Variants in PHACTR2 observed in about 807,000 individuals in gnomAD.
The protein encoded by PHACTR2 is phosphatase and actin regulator 2.
Under a neutral mutation model 76.0 loss-of-function variants are expected in PHACTR2, and 30 were observed. The observed-to-expected ratio is 0.39, with a 90% CI of 0.30 to 0.54. The LOEUF (loss-of-function observed/expected upper bound fraction) is 0.54, where lower values mean the gene tolerates loss of function less well. PHACTR2 is among the 20% of genes least tolerant of loss of function. The pLI, the probability that PHACTR2 is intolerant of heterozygous loss-of-function variation, is 0.61. For synonymous variants in PHACTR2, 292 were observed against 292.5 expected, an observed-to-expected ratio of 1.00 and a Z score of 0.02; for missense variants, 696 against 781.1, an observed-to-expected ratio of 0.89 and a Z score of 1.30.
chr6:143,751,084 G>A lies in PHACTR2; in HGVS notation c.295+2019G>A, dbSNP rs974208169. On this transcript the variant is annotated intron_variant, in intron 3 of 12. Coordinates refer to ENST00000440869, the MANE Select transcript of PHACTR2 (RefSeq NM_001100164.2). The surrounding 1 kb of genome is among the most constrained non-coding windows in gnomAD (Gnocchi z 5.7). Reference sequence around the variant, plus strand: ...GAGAGACTAGAAGCTGCTGTTCTTGGTAACAACCTCCTTTCTGCTGCCAGT... The same window carrying A: ...GAGAGACTAGAAGCTGCTGTTCTTGATAACAACCTCCTTTCTGCTGCCAGT... Among the ~76,000 whole-genome samples, 5 of 152,146 alleles carry A rather than the reference G, an allele frequency of 3.3e-5. No individual in the cohort carries two copies. Among genetic ancestry groups the A allele is most frequent in the African/African-American group, 1.2e-4 (5 of 41,442 alleles).
In PHACTR2 at chr6:143,760,395, T is replaced by A. The variant is rs777122433; in HGVS notation, c.455-6T>A. ...AGTCTGCTTCTGTTCACTTTCTCGT[T>A]TATAGAGAACACTGAAAACCACTCT... On this transcript the variant is annotated splice_polypyrimidine_tract_variant and splice_region_variant and intron_variant, in intron 4 of 12. Coordinates refer to ENST00000440869, the MANE Select transcript of PHACTR2 (RefSeq NM_001100164.2). This position sits in a 1 kb window ranked among gnomAD's most constrained non-coding sequence, Gnocchi z 6.4. 6.2e-7 allele frequency: 1 copy of A among 1,604,670 alleles called. No individual in the cohort carries two copies. The highest frequency in any genetic ancestry group is 1.7e-4 in the Middle Eastern group (1 of 6,048).
chr6:143,652,861 T>C lies in PHACTR2; in HGVS notation c.13+44539T>C, dbSNP rs1183751010. ...ACAGCTTTATGAAATTCAGTCACTT[T>C]GTAGCAGCCACTCTAAGGAGGATGA... is the stretch of plus-strand genomic sequence containing the variant. On this transcript the variant is annotated intron_variant, in intron 1 of 11. Coordinates refer to the PHACTR2 transcript ENST00000305766. The surrounding 1 kb of genome is among the most constrained non-coding windows in gnomAD (Gnocchi z 4.5). Among the ~76,000 whole-genome samples, 1 of 152,222 alleles carries C rather than the reference T, an allele frequency of 6.6e-6. No homozygotes were observed. Among genetic ancestry groups the C allele is most frequent in the Non-Finnish European group, 1.5e-5 (1 of 68,032 alleles).
chr6:143,765,767 G>A lies in PHACTR2; in HGVS notation c.1201G>A (p.Gly401Ser). ...CAGAACCACTCTCTACTCAGGCACTGGCTTAAGTGTTAACAGAGAAAATGC... is the reference window on the plus strand; with the variant it reads ...CAGAACCACTCTCTACTCAGGCACTAGCTTAAGTGTTAACAGAGAAAATGC... ...TNRTTLYSGTGLSVNRENAKC... is the reference protein window; with the variant it reads ...TNRTTLYSGTSLSVNRENAKC... Residue 401 changes from glycine to serine, a missense_variant, in exon 6 of 13, where the codon GGC becomes AGC. Around this residue, in one of 2 missense-constraint regions of PHACTR2, gnomAD observed 236 missense variants for 330.2 expected, o/e 0.71. Coordinates refer to ENST00000440869, the MANE Select transcript of PHACTR2 (RefSeq NM_001100164.2). This position sits in a 1 kb window ranked among gnomAD's most constrained non-coding sequence, Gnocchi z 4.1. The A allele has an allele frequency of 6.2e-7, 1 of 1,613,676 alleles. No homozygotes were observed. Among genetic ancestry groups the A allele is most frequent in the Non-Finnish European group, 8.5e-7 (1 of 1,179,628 alleles).
intron 2 of PHACTR2, among the ~76,000 whole-genome samples, chr6:143,737,451 A>G (rs766313692): frequency 2.6e-5 from 4 of 151,956 alleles, no homozygotes; most frequent in African/African-American, 4.8e-5. Flanking sequence ...ATTCTAACCT[A>G]TTGTATGAAA....
chr6:143,598,095 C>T lies in PHACTR2; in HGVS notation c.217+60888C>T, dbSNP rs1381906268. ...TAGGTCGAAGAATGCCCCCCGCGCCCCCAAAAAAGAACCATATCTTAACCC... is the reference window on the plus strand; with the variant it reads ...TAGGTCGAAGAATGCCCCCCGCGCCTCCAAAAAAGAACCATATCTTAACCC... On this transcript the variant is annotated intron_variant, in intron 1 of 11. Coordinates refer to the PHACTR2 transcript ENST00000367584. This position sits in a 1 kb window ranked among gnomAD's most constrained non-coding sequence, Gnocchi z 4.1. Among the ~76,000 whole-genome samples, 1 of 151,878 alleles carries T rather than the reference C, an allele frequency of 6.6e-6. No homozygotes were observed. The highest frequency in any genetic ancestry group is 1.5e-5 in the Non-Finnish European group (1 of 67,982).
In PHACTR2 at chr6:143,777,220, G is replaced by T; in HGVS notation, c.1590-108G>T. On this transcript the variant is annotated intron_variant, in intron 8 of 12. Coordinates refer to ENST00000440869, the MANE Select transcript of PHACTR2 (RefSeq NM_001100164.2). This position sits in a 1 kb window ranked among gnomAD's most constrained non-coding sequence, Gnocchi z 4.6. ...CTTTTATTTTGCAGCTTTAAAAATGGATTTTTATTTCTCAAAACATGAAAA... is the reference window on the plus strand; with the variant it reads ...CTTTTATTTTGCAGCTTTAAAAATGTATTTTTATTTCTCAAAACATGAAAA... The T allele has an allele frequency of 1.7e-6, 1 of 605,660 alleles. No individual in the cohort carries two copies. Among genetic ancestry groups the T allele is most frequent in the South Asian group, 2.2e-5 (1 of 44,554 alleles). The allele number at this position is 605,660 out of a possible 1,614,324, so 37.5% of individuals were successfully genotyped here. A position where few individuals can be genotyped will look rare whatever the true frequency, so the allele number is the denominator to read the frequency against.
chr6:143,642,503 T>TGGGAC (rs1327665295), intron 1 of PHACTR2, among the ~76,000 whole-genome samples: 172 of 152,340 alleles, frequency 1.1e-3, no homozygotes, highest in Non-Finnish European at 1.8e-3. Flanking sequence ...TTGATTGTGT[T>TGGGAC]ATGGATTGAG....
upstream of PHACTR2, among the ~76,000 whole-genome samples, chr6:143,604,133 A>G (rs1013401570): frequency 2.0e-5 from 3 of 151,506 alleles, no homozygotes; most frequent in African/African-American, 4.8e-5. Context: ...AAAAGAAGAC[A>G]CTTTCAGTAG....
At chr6:143,661,695 A>G (rs1227362231) in intron 1 of PHACTR2, among the ~76,000 whole-genome samples, 1 of 151,944 alleles carries the variant, frequency 6.6e-6, no homozygotes, top group Non-Finnish European at 1.5e-5. Context: ...AGCTGGGACT[A>G]CAGACATGCA....
At chr6:143,573,059 C>T (rs1775465632) in intron 1 of PHACTR2, among the ~76,000 whole-genome samples, 1 of 152,184 alleles carries the variant, frequency 6.6e-6, no homozygotes, top group South Asian at 2.1e-4. Context: ...CTAATGTTCT[C>T]ATAGACCCTT....
Position 143,760,400 on chromosome 6 carries a change from G to GTGGTT in PHACTR2, c.455-1_455insTGGTT (p.Glu152ValfsTer137). On this transcript the variant is annotated frameshift_variant and splice_region_variant. Coordinates refer to ENST00000440869, the MANE Select transcript of PHACTR2 (RefSeq NM_001100164.2). LOFTEE classifies it high-confidence loss of function. This position sits in a 1 kb window ranked among gnomAD's most constrained non-coding sequence, Gnocchi z 6.4. ...GCTTCTGTTCACTTTCTCGTTTATAGAGAACACTGAAAACCACTCTGAAAC... is the reference window on the plus strand; with the variant it reads ...GCTTCTGTTCACTTTCTCGTTTATAGTGGTTAGAACACTGAAAACCACTCTGAAAC... 1.2e-6 allele frequency: 2 copies of GTGGTT among 1,607,236 alleles called. No individual in the cohort carries two copies. Among genetic ancestry groups the GTGGTT allele is most frequent in the Non-Finnish European group, 1.7e-6 (2 of 1,176,590 alleles).
At position 143,688,310 on chromosome 6, in the gene PHACTR2, A is replaced by G. The variant is rs1237803760; in HGVS notation, c.46+10101A>G. 2.0e-5 allele frequency among the ~76,000 whole-genome samples: 3 copies of G among 152,094 alleles called. No individual in the cohort carries two copies. The highest frequency in any genetic ancestry group is 2.0e-4 in the Admixed American group (3 of 15,274). On this transcript the variant is annotated intron_variant, in intron 1 of 12. Coordinates refer to ENST00000440869, the MANE Select transcript of PHACTR2 (RefSeq NM_001100164.2). This position sits in a 1 kb window ranked among gnomAD's most constrained non-coding sequence, Gnocchi z 5.2. ...ACCAAGAAGTAGGCTGGAATAATCC[A>G]GCAAGGTGAAGTGGATGCCTGATCT...
At chr6:143,715,407 C>G (rs1778280134) in intron 2 of PHACTR2, among the ~76,000 whole-genome samples, 1 of 152,192 alleles carries the variant, frequency 6.6e-6, no homozygotes, top group Non-Finnish European at 1.5e-5. Context: ...TTCCTATACC[C>G]ACATCCCTCA....
At chr6:143,792,350 A>G (rs1353724539) in intron 11 of PHACTR2, among the ~76,000 whole-genome samples, 1 of 152,058 alleles carries the variant, frequency 6.6e-6, no homozygotes, top group Non-Finnish European at 1.5e-5. Flanking sequence ...GGCATCTGGT[A>G]TGCCATTTTG....
intron 6 of PHACTR2, among the ~76,000 whole-genome samples, chr6:143,766,373 A>T (rs138521164): frequency 6.6e-6 from 1 of 152,226 alleles, no homozygotes; most frequent in Non-Finnish European, 1.5e-5. Context: ...ATTAGCCAAC[A>T]TGTCTTACAT....
Position 143,689,974 on chromosome 6 carries a change from C to A in PHACTR2, c.46+11765C>A, listed in dbSNP as rs887031205. Among the ~76,000 whole-genome samples, 1 of 152,150 alleles carries A rather than the reference C, an allele frequency of 6.6e-6. No individual in the cohort carries two copies. Among genetic ancestry groups the A allele is most frequent in the South Asian group, 2.1e-4 (1 of 4,832 alleles). ...CAGCTCCCAAAATGCTGGGATTACCCGTGTGAGCCACTGTGCCCAGCCCCA... is the reference window on the plus strand; with the variant it reads ...CAGCTCCCAAAATGCTGGGATTACCAGTGTGAGCCACTGTGCCCAGCCCCA... On this transcript the variant is annotated intron_variant, in intron 1 of 12. Transcript: ENST00000440869. The surrounding 1 kb of genome is among the most constrained non-coding windows in gnomAD (Gnocchi z 4.4).
At chr6:143,808,520 A>C (rs984938729) in intron 12 of PHACTR2, among the ~76,000 whole-genome samples, 3 of 152,234 alleles carry the variant, frequency 2.0e-5, no homozygotes, top group Non-Finnish European at 4.4e-5. Context: ...CTATTTATAC[A>C]GCATTTACAT....
At position 143,546,333 on chromosome 6, in the gene PHACTR2, C is replaced by T. The variant is rs547388859; in HGVS notation, c.217+9126C>T. ...GAAAGAGTAGCTATTGCTTATCCCTCGTAACAGGAAGAAACTTGTGACTTA... is the reference window on the plus strand; with the variant it reads ...GAAAGAGTAGCTATTGCTTATCCCTTGTAACAGGAAGAAACTTGTGACTTA... On this transcript the variant is annotated intron_variant, in intron 1 of 11. Coordinates refer to the PHACTR2 transcript ENST00000367584. This position sits in a 1 kb window ranked among gnomAD's most constrained non-coding sequence, Gnocchi z 4.9. Among the ~76,000 whole-genome samples, 3 of 150,312 alleles carry T rather than the reference C, an allele frequency of 2.0e-5. No homozygotes were observed. Among genetic ancestry groups the T allele is most frequent in the Non-Finnish European group, 3.0e-5 (2 of 67,684 alleles).
At chr6:143,667,119 A>T (rs1562263735) in intron 1 of PHACTR2, among the ~76,000 whole-genome samples, 1 of 152,182 alleles carries the variant, frequency 6.6e-6, no homozygotes, top group South Asian at 2.1e-4. Flanking sequence ...TCCCAACACC[A>T]TTTATTAAGT....
Sources: allele counts gnomAD v4.1 joint callset (sites outside exome capture counted in the v4.1 genomes callset), GRCh38; gene constraint gnomAD v4.1.1; regional missense constraint gnomAD v4.1.1; non-coding constraint Gnocchi (gnomAD v3.1); transcripts MANE v1.5; gene names NCBI Gene and HGNC (gene_info 2026-07-23, HGNC 2026-07-21).